Variants in PRDM2 observed in about 807,000 individuals in gnomAD.
PRDM2 encodes the protein PR/SET domain 2.
In PRDM2, 30 loss-of-function variants were observed where a neutral mutation model predicts 130.0. That is an observed-to-expected ratio of 0.23 (90% CI 0.17 to 0.31). The LOEUF (loss-of-function observed/expected upper bound fraction) is 0.31. Ranked by LOEUF, PRDM2 falls within the 10% of genes least tolerant of loss-of-function variation. PRDM2 has a pLI of 1.00. For synonymous variants in PRDM2, 871 were observed against 782.4 expected (o/e 1.11, Z -1.89); for missense variants, 2,011 against 2,108.4 (o/e 0.95, Z 0.90).
rs140430988 is a variant in PRDM2, at chr1:13,786,901, T to C, written c.5036+4070T>C. 5.7e-5 allele frequency: 58 copies of C among 1,021,986 alleles called. 2 individuals are homozygous for C. The highest frequency in any genetic ancestry group is 4.7e-6 in the Non-Finnish European group (4 of 853,852). 63.3% of individuals were successfully genotyped at this position (1,021,986 alleles called of 1,614,324 possible). A position where few individuals can be genotyped will look rare whatever the true frequency, so the allele number is the denominator to read the frequency against. The stretch of plus-strand genomic sequence containing the variant: ...AACCTTGCAAAGCAAGTTGCCTGTT[T>C]TAGCAGTAGTTTGTTGTAGGTTTCA... On this transcript the variant is annotated intron_variant, in intron 8 of 9. Coordinates refer to ENST00000311066, the MANE Select transcript of PRDM2 (RefSeq NM_001393986.1).
chr1:13,820,132 C>T lies in PRDM2; in HGVS notation c.*24-3027C>T, dbSNP rs115161628. Among the ~76,000 whole-genome samples, 981 of 152,268 alleles carry T rather than the reference C, an allele frequency of 6.4e-3. 13 individuals are homozygous for T. Among genetic ancestry groups the T allele is most frequent in the African/African-American group, 0.022 (921 of 41,530 alleles). ...CACTCTGGTCTTCTGATTCCCGGGA[C>T]GGATCTTCGACTTCTAATTGGGCCG... On this transcript the variant is annotated intron_variant, in intron 9 of 9. Transcript: ENST00000311066.
At chr1:13,707,821 CT>C (rs200792048) in intron 1 of PRDM2, among the ~76,000 whole-genome samples, 12,854 of 138,144 alleles carry the variant, frequency 0.093, 534 homozygotes, top group Non-Finnish European at 0.11. Context: ...GACAATAATT[CT>C]TTTTTTTTTT....
intron 8 of PRDM2, among the ~76,000 whole-genome samples, chr1:13,804,305 C>G (rs953292427): frequency 6.6e-6 from 1 of 152,088 alleles, no homozygotes; most frequent in African/African-American, 2.4e-5. Flanking sequence ...AAACCTTTAC[C>G]CCTGCCCCCC....
intron 8 of PRDM2, among the ~76,000 whole-genome samples, chr1:13,794,154 A>T (rs561190533): frequency 4.9e-4 from 75 of 152,270 alleles, no homozygotes; most frequent in African/African-American, 1.7e-3. Context: ...TTGAGGTTCT[A>T]CTGTTTTCAT....
rs202182399 is a variant in PRDM2 at position 13,781,148 on chromosome 1, C to T, written c.3353C>T (p.Ser1118Phe). 9.9e-5 allele frequency: 160 copies of T among 1,614,076 alleles called. No homozygotes were observed. Among genetic ancestry groups the T allele is most frequent in the Non-Finnish European group, 4.2e-6 (5 of 1,180,028 alleles). ...EGLKPREEPQ[S>F]AAEQDVVVQE... Reference sequence around the variant, plus strand: ...CTGAAACCCAGGGAAGAGCCCCAGTCTGCTGCTGAACAGGATGTTGTTGTT... The same window carrying T: ...CTGAAACCCAGGGAAGAGCCCCAGTTTGCTGCTGAACAGGATGTTGTTGTT... The change falls in exon 8 of 10, where the codon TCT (serine) becomes TTT (phenylalanine). Residue 1118 changes from serine to phenylalanine, a missense_variant. Transcript: ENST00000311066. This position sits in a 1 kb window ranked among gnomAD's most constrained non-coding sequence, Gnocchi z 6.1.
intron 8 of PRDM2, among the ~76,000 whole-genome samples, chr1:13,786,313 C>T (rs1006729592): frequency 1.9e-4 from 29 of 152,156 alleles, no homozygotes; most frequent in African/African-American, 6.0e-4. Flanking sequence ...ATCTCTGCTA[C>T]ATCCCTTGGA....
At chr1:13,809,358 C>T (rs1332499106) in intron 8 of PRDM2, among the ~76,000 whole-genome samples, 2 of 152,054 alleles carry the variant, frequency 1.3e-5, no homozygotes, top group African/African-American at 2.4e-5. Context: ...AGGTGGTCCC[C>T]GACAGTGGTA....
At position 13,780,789 on chromosome 1, in the gene PRDM2, C is replaced by G. The variant is rs377241293; in HGVS notation, c.2994C>G (p.Pro998=). 3.8e-6 allele frequency: 6 copies of G among 1,584,054 alleles called. No homozygotes were observed. In the African/African-American group the frequency reaches 6.8e-5, roughly 18 times the overall value. Residue 998 remains proline, a synonymous_variant, in exon 8 of 10, where the codon CCC becomes CCG. Transcript: ENST00000311066. ...PLLPTVPLPA[P]SSSASPHPCP... is the part of the protein sequence containing the mutation. The stretch of plus-strand genomic sequence containing the variant: ...TTCCTACCGTACCTCTTCCAGCCCC[C>G]TCTTCCAGTGCATCTCCACACCCAT...
intron 6 of PRDM2, among the ~76,000 whole-genome samples, chr1:13,772,624 T>C (rs1276112539): frequency 2.0e-5 from 3 of 152,260 alleles, no homozygotes; most frequent in Non-Finnish European, 4.4e-5. Flanking sequence ...TTCCAACAAT[T>C]ATGGATAATC....
At chr1:13,735,229 T>G (rs1241959149) in intron 4 of PRDM2, among the ~76,000 whole-genome samples, 1 of 152,240 alleles carries the variant, frequency 6.6e-6, no homozygotes, top group African/African-American at 2.4e-5. Context: ...AACATTCTGT[T>G]AAATCAGAAA....
At chr1:13,791,265 C>T (rs1246160891) in intron 8 of PRDM2, among the ~76,000 whole-genome samples, 1 of 152,106 alleles carries the variant, frequency 6.6e-6, no homozygotes, top group Non-Finnish European at 1.5e-5. Flanking sequence ...CTTTATTAGT[C>T]AGGAGTTGCT....
Position 13,823,354 on chromosome 1 carries a change from G to A in PRDM2, c.*219G>A, listed in dbSNP as rs760015245. On this transcript the variant is annotated 3_prime_UTR_variant, in exon 10 of 10. Coordinates refer to ENST00000311066, the MANE Select transcript of PRDM2 (RefSeq NM_001393986.1). ...TCTTCAAACGAGGGTCCCGATCCCC[G>A]GGGCGGCAGGAAGGGGGCCGACTCC... is the stretch of plus-strand genomic sequence containing the variant. 14 of 722,148 alleles carry A rather than the reference G, an allele frequency of 1.9e-5. No individual in the cohort carries two copies. Among genetic ancestry groups the A allele is most frequent in the African/African-American group, 3.6e-5 (2 of 56,292 alleles). 44.7% of individuals were successfully genotyped at this position (722,148 alleles called of 1,614,324 possible).
intron 8 of PRDM2, among the ~76,000 whole-genome samples, chr1:13,813,448 G>A (rs1405409994): frequency 6.6e-6 from 1 of 152,214 alleles, no homozygotes; most frequent in South Asian, 2.1e-4. Flanking sequence ...GTCCTAACAG[G>A]AAACACCCAA....
intron 2 of PRDM2, among the ~76,000 whole-genome samples, chr1:13,721,011 T>G (rs1420323092): frequency 6.6e-6 from 1 of 152,192 alleles, no homozygotes; most frequent in Non-Finnish European, 1.5e-5. Flanking sequence ...TCTACTGCTC[T>G]GAAGTTAGTC....
Position 13,730,984 on chromosome 1 carries a change from A to C in PRDM2, c.10-16A>C. ...TTCTTTCTTTTGCTGTGATCCTTCCATTTCTTGACTTGCAGAACACTACTG... is the reference window on the plus strand; with the variant it reads ...TTCTTTCTTTTGCTGTGATCCTTCCCTTTCTTGACTTGCAGAACACTACTG... On this transcript the variant is annotated splice_polypyrimidine_tract_variant and intron_variant, in intron 2 of 9. Coordinates refer to ENST00000311066, the MANE Select transcript of PRDM2 (RefSeq NM_001393986.1). 1.9e-6 allele frequency: 3 copies of C among 1,541,868 alleles called. No individual in the cohort carries two copies. The highest frequency in any genetic ancestry group is 2.1e-5 in the Admixed American group (1 of 48,560).
intron 8 of PRDM2, among the ~76,000 whole-genome samples, chr1:13,798,462 C>T (rs1644956331): frequency 7.4e-6 from 1 of 135,694 alleles, no homozygotes; most frequent in Admixed American, 7.6e-5. Context: ...GAAAGCCAAT[C>T]AGTAACCCAT....
Position 13,780,066 on chromosome 1 carries a change from T to G in PRDM2, c.2271T>G (p.Ser757Arg), listed in dbSNP as rs770023073. Residue 757 changes from serine to arginine, a missense_variant, in exon 8 of 10, where the codon AGT becomes AGG. Transcript: ENST00000311066. ...CCCTTCGAGACTTTGGAAAGCCAAG[T>G]GATGGGAAAGCAGCATGGACCGATG... ...SPALRDFGKP[S>R]DGKAAWTDAG... 1 of 1,614,146 alleles carries G rather than the reference T, an allele frequency of 6.2e-7. No homozygotes were observed. The highest frequency in any genetic ancestry group is 8.5e-7 in the Non-Finnish European group (1 of 1,180,038).
At chr1:13,707,239 T>A (rs1642236283) in intron 1 of PRDM2, among the ~76,000 whole-genome samples, 1 of 152,220 alleles carries the variant, frequency 6.6e-6, no homozygotes, top group Admixed American at 6.5e-5. Flanking sequence ...ATGAAGACTT[T>A]GGTGCCAGGA....
chr1:13,808,454 ACT>A (rs1255026044), intron 8 of PRDM2, among the ~76,000 whole-genome samples: 1 of 133,438 alleles, frequency 7.5e-6, no homozygotes, highest in African/African-American at 3.0e-5. Flanking sequence ...ACAGAGTGAG[ACT>A]CTGTCTCAAA....
Sources: gnomAD v4.1 joint callset for allele counts (sites outside exome capture counted in the v4.1 genomes callset) on GRCh38, gnomAD v4.1.1 for gene constraint, Gnocchi (gnomAD v3.1) non-coding constraint, MANE v1.5 for transcripts, NCBI Gene and HGNC (gene_info 2026-07-23, HGNC 2026-07-21) for gene names.